ATG7: variants seen among roughly 807,000 people sequenced by gnomAD.
ATG7 encodes the protein autophagy related 7, also known as ubiquitin-like modifier-activating enzyme ATG7.
Under a neutral mutation model 82.4 loss-of-function variants are expected in ATG7, and 70 were observed. The observed-to-expected ratio is 0.85, with a 90% CI of 0.70 to 1.04. The LOEUF is 1.04. Ranked by LOEUF, ATG7 falls within the 50% of genes least tolerant of loss-of-function variation. The pLI is 0.00. For missense variants in ATG7, 792 were observed against 864.3 expected, an observed-to-expected ratio of 0.92 and a Z score of 1.05; for synonymous variants, 287 against 313.0, an observed-to-expected ratio of 0.92 and a Z score of 0.88.
At chr3:11,397,281 G>T (rs2079385414) in intron 19 of ATG7, among the ~76,000 whole-genome samples, 1 of 152,122 alleles carries the variant, frequency 6.6e-6, no homozygotes, top group Admixed American at 6.5e-5. Context: ...CCACAAGAAA[G>T]CTGCTGTAGC....
At chr3:11,567,992 A>G in the ATG7 span, among the ~76,000 whole-genome samples, 2,772 of 152,214 alleles carry the variant, frequency 0.018, 84 homozygotes, top group African/African-American at 0.063. Context: ...TGTTTACTCA[A>G]CCAGCGCTAG....
intron 20 of ATG7, among the ~76,000 whole-genome samples, chr3:11,485,280 T>A (rs1185560739): frequency 6.6e-6 from 1 of 152,242 alleles, no homozygotes; most frequent in Middle Eastern, 3.2e-3. Context: ...TTTGCATTTC[T>A]CTGATAGCCA....
intron 19 of ATG7, among the ~76,000 whole-genome samples, chr3:11,397,809 G>C (rs1334644819): frequency 6.7e-6 from 1 of 150,128 alleles, no homozygotes; most frequent in African/African-American, 2.4e-5. Flanking sequence ...TCGGCTGGGC[G>C]CGGTGGCTCA....
chr3:11,341,996 C>A, intron 12 of ATG7, 139 bp from the exon 13 acceptor site: 2 of 1,027,998 alleles, frequency 1.9e-6, no homozygotes, highest in Non-Finnish European at 2.7e-6. Flanking sequence ...TCCCTGCTTA[C>A]CCTCCAGTTT....
At chr3:11,360,850 C>A in intron 16 of ATG7, 66 bp downstream of exon 16, 3 of 1,508,148 alleles carry the variant, frequency 2.0e-6, no homozygotes, top group Non-Finnish European at 2.7e-6. Context: ...GGCAGACCGA[C>A]TTGGCCCTTT....
chr3:11,513,069 G>T (rs1391215013), intron 20 of ATG7, among the ~76,000 whole-genome samples: 1 of 152,198 alleles, frequency 6.6e-6, no homozygotes, highest in Admixed American at 6.5e-5. Flanking sequence ...GCTGATTGGT[G>T]TGTTTACAAA....
chr3:11,475,813 C>G (rs1329068331), intron 20 of ATG7, among the ~76,000 whole-genome samples: 1 of 150,744 alleles, frequency 6.6e-6, no homozygotes, highest in Non-Finnish European at 1.5e-5. Flanking sequence ...CCTAAGTAGG[C>G]AGTTGGTATT....
intron 20 of ATG7, among the ~76,000 whole-genome samples, chr3:11,547,569 G>T (rs1252580071): frequency 3.9e-5 from 6 of 152,222 alleles, no homozygotes; most frequent in Admixed American, 2.6e-4. Flanking sequence ...TGGTAACTGT[G>T]TTTAATTTTT....
At chr3:11,489,394 T>A (rs9682820) in intron 20 of ATG7, among the ~76,000 whole-genome samples, 4 of 151,686 alleles carry the variant, frequency 2.6e-5, no homozygotes, top group Admixed American at 2.0e-4. Flanking sequence ...GTCTTGCTAG[T>A]GGTCTATCAA....
intron 14 of ATG7, 89 bp from the exon 15 acceptor site, chr3:11,358,329 G>T: frequency 7.5e-7 from 1 of 1,325,438 alleles, no homozygotes; most frequent in Non-Finnish European, 1.0e-6. Context: ...GTGAACACAA[G>T]TAAGTGCAGG....
chr3:11,447,877 T>A (rs1197286872), intron 20 of ATG7, among the ~76,000 whole-genome samples: 1 of 152,144 alleles, frequency 6.6e-6, no homozygotes, highest in Admixed American at 6.5e-5. Context: ...GTTGGAGTGA[T>A]GGGGGATGGT....
At chr3:11,438,183 C>T (rs946508442) in intron 20 of ATG7, among the ~76,000 whole-genome samples, 1 of 152,128 alleles carries the variant, frequency 6.6e-6, no homozygotes, top group Non-Finnish European at 1.5e-5. Flanking sequence ...TCTAGGTGAG[C>T]GTCTTCTCTG....
intron 8 of ATG7, among the ~76,000 whole-genome samples, chr3:11,314,116 T>C (rs561228724): frequency 6.6e-6 from 1 of 152,332 alleles, no homozygotes; most frequent in South Asian, 2.1e-4. Flanking sequence ...CTCCTACCCT[T>C]GTACCAAGTT....
chr3:11,375,534 G>A (rs1237419841), intron 18 of ATG7, among the ~76,000 whole-genome samples: 1 of 149,128 alleles, frequency 6.7e-6, no homozygotes, highest in East Asian at 2.0e-4. Context: ...AGAAATTGGA[G>A]CCCTCACACT....
chr3:11,495,946 G>C (rs997931686), intron 20 of ATG7, among the ~76,000 whole-genome samples: 1 of 152,172 alleles, frequency 6.6e-6, no homozygotes, highest in Non-Finnish European at 1.5e-5. Context: ...ACTATATTGT[G>C]TCATTTTCAT....
chr3:11,549,384 G>A (rs959624738), intron 20 of ATG7, among the ~76,000 whole-genome samples: 1 of 152,140 alleles, frequency 6.6e-6, no homozygotes, highest in African/African-American at 2.4e-5. Flanking sequence ...TCTACTCTTA[G>A]CAAATTTCCA....
rs548990477 is a variant in ATG7 at position 11,510,097 on chromosome 3, C to G, written c.2080-44714C>G. ...TGCCCGCCCATCTTCTGCCCCTCCCCCAGCCAGCTGGTGTCTGCAGAAATT... is the reference window on the plus strand; with the variant it reads ...TGCCCGCCCATCTTCTGCCCCTCCCGCAGCCAGCTGGTGTCTGCAGAAATT... On this transcript the variant is annotated intron_variant, in intron 20 of 20. Coordinates refer to ENST00000693202, the MANE Select transcript of ATG7 (RefSeq NM_001349232.2). The G allele has an allele frequency of 7.6e-5, 27 of 356,612 alleles. No individual in the cohort carries two copies. The East Asian group carries it at 2.1e-3, about 28-fold the overall frequency. 22.1% of individuals were successfully genotyped at this position (356,612 alleles called of 1,614,324 possible).
At chr3:11,351,577 C>T (rs1156392933) in intron 14 of ATG7, among the ~76,000 whole-genome samples, 2 of 152,186 alleles carry the variant, frequency 1.3e-5, no homozygotes, top group African/African-American at 4.8e-5. Context: ...TCCAACTGTT[C>T]TTGGAAACAG....
At chr3:11,475,963 T>A (rs2088161414) in intron 20 of ATG7, among the ~76,000 whole-genome samples, 2 of 151,416 alleles carry the variant, frequency 1.3e-5, no homozygotes. Flanking sequence ...TTGTCCTGTC[T>A]GAAATGTTTA....
Sources: allele counts gnomAD v4.1 joint callset (sites outside exome capture counted in the v4.1 genomes callset), GRCh38; gene constraint gnomAD v4.1.1; transcripts MANE v1.5; gene names NCBI Gene and HGNC (gene_info 2026-07-23, HGNC 2026-07-21).